Variants in LRP1B observed in about 807,000 individuals in gnomAD.
The protein encoded by LRP1B is low-density lipoprotein receptor-related protein 1B.
Under a neutral mutation model 556.6 loss-of-function variants are expected in LRP1B, and 217 were observed. The ratio of observed to expected loss-of-function variants is 0.39; its 90% CI spans 0.35 to 0.44. LRP1B has a LOEUF of 0.44. Ranked by LOEUF, LRP1B falls within the 20% of genes least tolerant of loss-of-function variation. The probability of loss-of-function intolerance (pLI) is 1.00; values close to 1 mark genes in which losing one functional copy is unlikely to be tolerated. For synonymous variants in LRP1B, 2,047 were observed against 1,865.8 expected, an observed-to-expected ratio of 1.10 and a Z score of -2.50; for missense variants, 5,053 against 5,620.8, an observed-to-expected ratio of 0.90 and a Z score of 3.23.
At chr2:142,053,139 ATC>A in intron 1 of LRP1B, among the ~76,000 whole-genome samples, 1 of 152,292 alleles carries the variant, frequency 6.6e-6, no homozygotes, top group South Asian at 2.1e-4. Context: ...GTTGGTTGCA[ATC>A]TCTGAAAGCA....
At position 141,091,493 on chromosome 2, in the gene LRP1B, G is replaced by A. The variant is rs145407357; in HGVS notation, c.1014-29220C>T. Among the ~76,000 whole-genome samples, 66 of 152,328 alleles carry A rather than the reference G, an allele frequency of 4.3e-4. No individual in the cohort carries two copies. In the East Asian group the frequency reaches 0.01, roughly 24 times the overall value. ...TTCACATCCTCTCCACGTGCACAGT[G>A]ATTTTCTCCAGGGACTCGTTTCCTC... On this transcript the variant is annotated intron_variant, in intron 7 of 90. Transcript: ENST00000389484.
chr2:140,484,803 A>C (rs1178756522), intron 59 of LRP1B, among the ~76,000 whole-genome samples: 2 of 152,154 alleles, frequency 1.3e-5, no homozygotes, highest in Non-Finnish European at 2.9e-5. Flanking sequence ...ACTTCTCTCC[A>C]TTCTTGCAAT....
chr2:141,214,826 G>A (rs577206789), intron 6 of LRP1B, among the ~76,000 whole-genome samples: 9 of 152,132 alleles, frequency 5.9e-5, no homozygotes, highest in Non-Finnish European at 1.0e-4. Context: ...ACTGAAATTA[G>A]CTCTTACACT....
intron 1 of LRP1B, among the ~76,000 whole-genome samples, chr2:142,042,342 G>A (rs1704092574): frequency 6.6e-6 from 1 of 151,392 alleles, no homozygotes; most frequent in Non-Finnish European, 1.5e-5. Context: ...CCTCTAAAAT[G>A]TTTGTGTTCG....
intron 2 of LRP1B, among the ~76,000 whole-genome samples, chr2:141,534,623 A>G (rs1009015536): frequency 2.6e-5 from 4 of 152,130 alleles, no homozygotes; most frequent in African/African-American, 9.7e-5. Context: ...GTATATATAT[A>G]AAAGTTGCAG....
At chr2:141,094,358 A>C (rs1241224109) in intron 7 of LRP1B, among the ~76,000 whole-genome samples, 3 of 152,210 alleles carry the variant, frequency 2.0e-5, no homozygotes, top group African/African-American at 7.2e-5. Context: ...TATATTATTT[A>C]AAAATATGTT....
rs905231706 is a variant in LRP1B, at chr2:141,224,260, G to T, written c.850+4923C>A. ...ATGTGGAAAATAGCTCAACATCACT[G>T]ATTAGAGAAATCCAAATCAAAACCG... On this transcript the variant is annotated intron_variant, in intron 6 of 90. Coordinates refer to ENST00000389484, the MANE Select transcript of LRP1B (RefSeq NM_018557.3). 5.9e-5 allele frequency among the ~76,000 whole-genome samples: 9 copies of T among 152,086 alleles called. No individual in the cohort carries two copies. In the South Asian group the frequency reaches 1.9e-3, roughly 32 times the overall value.
At chr2:140,285,322 CACA>C (rs1683099502) in intron 84 of LRP1B, among the ~76,000 whole-genome samples, 1 of 80,438 alleles carries the variant, frequency 1.2e-5, no homozygotes, top group African/African-American at 2.9e-5. Flanking sequence ...TACATACACA[CACA>C]TATACACATA....
chr2:141,450,503 C>T (rs1380605984), intron 3 of LRP1B, among the ~76,000 whole-genome samples: 1 of 151,786 alleles, frequency 6.6e-6, no homozygotes, highest in Admixed American at 6.6e-5. Flanking sequence ...ATTTCTTATA[C>T]ATAACATCAT....
chr2:140,719,222 G>A (rs1371978002), intron 35 of LRP1B, among the ~76,000 whole-genome samples: 4 of 152,022 alleles, frequency 2.6e-5, no homozygotes, highest in Admixed American at 2.0e-4. Flanking sequence ...ATAAAGACTG[G>A]TTGGGAGGCA....
At chr2:141,968,544 G>A (rs1701628332) in intron 1 of LRP1B, among the ~76,000 whole-genome samples, 1 of 151,510 alleles carries the variant, frequency 6.6e-6, no homozygotes, top group African/African-American at 2.4e-5. Context: ...TTTTATGACT[G>A]CTGTACATGA....
intron 2 of LRP1B, among the ~76,000 whole-genome samples, chr2:141,713,767 T>A (rs1404887850): frequency 1.3e-5 from 2 of 152,150 alleles, no homozygotes; most frequent in South Asian, 2.1e-4. Context: ...CTCATATGAG[T>A]CATATTATTA....
At chr2:141,368,952 G>T (rs1172711825) in intron 3 of LRP1B, among the ~76,000 whole-genome samples, 1 of 152,072 alleles carries the variant, frequency 6.6e-6, no homozygotes, top group East Asian at 1.9e-4. Context: ...TGCTGGAAAT[G>T]AAATTATTTT....
intron 25 of LRP1B, among the ~76,000 whole-genome samples, chr2:140,879,321 C>T (rs1273594222): frequency 2.6e-5 from 4 of 152,196 alleles, no homozygotes; most frequent in Non-Finnish European, 5.9e-5. Flanking sequence ...AACTCTGAAA[C>T]GTTTTTCTAG....
intron 2 of LRP1B, among the ~76,000 whole-genome samples, chr2:141,481,363 A>G (rs900758978): frequency 5.3e-5 from 8 of 152,094 alleles, no homozygotes; most frequent in African/African-American, 1.2e-4. Context: ...CCAAATCCCC[A>G]TATGATTCTT....
chr2:140,431,700 T>A (rs1685951785), intron 66 of LRP1B, among the ~76,000 whole-genome samples: 1 of 152,196 alleles, frequency 6.6e-6, no homozygotes, highest in South Asian at 2.1e-4. Flanking sequence ...TTTCTCCTTC[T>A]CTTATTCCGT....
chr2:140,699,983 A>G (rs1224267216), intron 41 of LRP1B, among the ~76,000 whole-genome samples: 1 of 149,262 alleles, frequency 6.7e-6, no homozygotes, highest in Admixed American at 6.8e-5. Flanking sequence ...TAGTGCAGTT[A>G]TTTATAAGAA....
chr2:141,303,097 T>G (rs573417061), intron 3 of LRP1B, among the ~76,000 whole-genome samples: 1 of 152,142 alleles, frequency 6.6e-6, no homozygotes, highest in African/African-American at 2.4e-5. Context: ...ATTGGAGATC[T>G]ATCTTTTTAA....
intron 1 of LRP1B, among the ~76,000 whole-genome samples, chr2:142,084,821 A>G (rs1342041218): frequency 6.6e-6 from 1 of 152,184 alleles, no homozygotes; most frequent in Non-Finnish European, 1.5e-5. Flanking sequence ...CCTGCTTAAG[A>G]TGACCTTTTA....
Sources: allele counts gnomAD v4.1 joint callset (sites outside exome capture counted in the v4.1 genomes callset), GRCh38; gene constraint gnomAD v4.1.1; transcripts MANE v1.5; gene names NCBI Gene and HGNC (gene_info 2026-07-23, HGNC 2026-07-21).